Variants in AVEN observed in about 807,000 individuals in gnomAD.
The protein encoded by AVEN is cell death regulator Aven.
AVEN carries 41 observed loss-of-function variants against 38.1 expected under a neutral mutation model. That is an observed-to-expected ratio of 1.08 (90% CI 0.84 to 1.40). AVEN has a LOEUF of 1.40. Ranked by LOEUF, AVEN falls within the 40% of genes most tolerant of loss-of-function variation. AVEN has a pLI of 0.00. For missense variants in AVEN, 605 were observed against 438.8 expected (o/e 1.38, Z -3.38); for synonymous variants, 206 against 171.8 (o/e 1.20, Z -1.56).
At chr15:34,048,863 G>A (rs1282550842) in intron 5 of AVEN, among the ~76,000 whole-genome samples, 2 of 152,192 alleles carry the variant, frequency 1.3e-5, no homozygotes, top group African/African-American at 2.4e-5. Flanking sequence ...TTGCTGTTTT[G>A]CATACCTGGT....
chr15:33,858,736 C>T (rs2079996527), downstream of AVEN: 1 of 152,262 alleles, frequency 6.6e-6, no homozygotes, highest in African/African-American at 2.4e-5. Flanking sequence ...AAAGGCACTG[C>T]CCAGAGTAAG....
intron 2 of AVEN, among the ~76,000 whole-genome samples, chr15:33,917,826 G>T (rs1190487696): frequency 6.6e-6 from 1 of 152,062 alleles, no homozygotes; most frequent in East Asian, 1.9e-4. Context: ...GTGGGAGGGG[G>T]GTAAGGGATA....
At chr15:34,036,889 C>A (rs555625253) in intron 1 of AVEN, among the ~76,000 whole-genome samples, 1 of 152,272 alleles carries the variant, frequency 6.6e-6, no homozygotes, top group South Asian at 2.1e-4. Context: ...GCGGGTGGAT[C>A]ACCTGAGGTC....
the AVEN span, chr15:33,852,822 T>C: frequency 1.3e-5 from 6 of 457,970 alleles, no homozygotes; most frequent in Middle Eastern, 3.0e-4. Context: ...AACTGCCCAG[T>C]GGCCTTCTGA....
downstream of AVEN, chr15:33,855,751 A>T (rs1157244689): frequency 6.6e-6 from 1 of 152,220 alleles, no homozygotes; most frequent in African/African-American, 2.4e-5. Flanking sequence ...TATAGTTAAT[A>T]CATATTATAT....
At chr15:33,913,331 G>A (rs1484334855) in intron 2 of AVEN, among the ~76,000 whole-genome samples, 5 of 152,166 alleles carry the variant, frequency 3.3e-5, no homozygotes, top group Admixed American at 6.6e-5. Flanking sequence ...AAAAGGAGTA[G>A]ATATATACAT....
chr15:34,032,633 G>C (rs1898910392), intron 1 of AVEN, among the ~76,000 whole-genome samples: 1 of 146,200 alleles, frequency 6.8e-6, no homozygotes, highest in Admixed American at 6.7e-5. Flanking sequence ...TAGGGGTTCA[G>C]AAAGATTTTC....
chr15:33,861,539 A>G (rs1353422381), downstream of AVEN, among the ~76,000 whole-genome samples: 2 of 150,314 alleles, frequency 1.3e-5, no homozygotes, highest in African/African-American at 2.4e-5. Flanking sequence ...ACTTCCAACT[A>G]TTGCCCTACT....
At chr15:34,041,311 G>A (rs908352896), upstream of AVEN, among the ~76,000 whole-genome samples, 10 of 151,872 alleles carry the variant, frequency 6.6e-5, no homozygotes, top group South Asian at 4.2e-4. Flanking sequence ...CAAAAGGTAC[G>A]TTTTAGTATC....
At chr15:33,997,539 C>A (rs898130607) in intron 2 of AVEN, among the ~76,000 whole-genome samples, 4 of 152,088 alleles carry the variant, frequency 2.6e-5, no homozygotes, top group African/African-American at 9.7e-5. Flanking sequence ...ACCCCCTGCC[C>A]CACCAAATCT....
chr15:34,015,158 A>G (rs1897829724), intron 1 of AVEN, among the ~76,000 whole-genome samples: 2 of 152,186 alleles, frequency 1.3e-5, no homozygotes, highest in Admixed American at 1.3e-4. Context: ...TATCATAAGG[A>G]AAAAGATAAC....
At chr15:33,895,125 C>A (rs1322357481) in intron 2 of AVEN, among the ~76,000 whole-genome samples, 1 of 151,932 alleles carries the variant, frequency 6.6e-6, no homozygotes, top group Non-Finnish European at 1.5e-5. Context: ...TGGATTCTAC[C>A]ACTGGTGGGC....
At chr15:33,999,027 G>C (rs1187319906) in intron 2 of AVEN, among the ~76,000 whole-genome samples, 2 of 152,194 alleles carry the variant, frequency 1.3e-5, no homozygotes, top group Non-Finnish European at 2.9e-5. Context: ...ATTAGATGTT[G>C]TGCTGGGTCT....
chr15:34,019,292 A>G (rs1363780363), intron 1 of AVEN, among the ~76,000 whole-genome samples: 1 of 152,276 alleles, frequency 6.6e-6, no homozygotes, highest in Non-Finnish European at 1.5e-5. Context: ...TTTTTAAAAT[A>G]GAAAACAAAA....
chr15:34,070,221 A>G (rs905305778), intron 2 of AVEN, among the ~76,000 whole-genome samples: 1 of 152,180 alleles, frequency 6.6e-6, no homozygotes, highest in Non-Finnish European at 1.5e-5. Flanking sequence ...AACCGCCTCC[A>G]GGCTTCAACT....
chr15:33,943,495 G>A (rs1894393656), intron 2 of AVEN, among the ~76,000 whole-genome samples: 1 of 152,174 alleles, frequency 6.6e-6, no homozygotes, highest in Non-Finnish European at 1.5e-5. Flanking sequence ...CAGAGTTTCT[G>A]ATATGCAAGA....
At chr15:33,916,290 C>T (rs1893133215) in intron 2 of AVEN, among the ~76,000 whole-genome samples, 1 of 152,164 alleles carries the variant, frequency 6.6e-6, no homozygotes, top group South Asian at 2.1e-4. Flanking sequence ...CCTCTGCCAC[C>T]TCTACTGGAG....
intron 2 of AVEN, among the ~76,000 whole-genome samples, chr15:33,877,725 C>T (rs955794230): frequency 2.6e-5 from 4 of 152,020 alleles, no homozygotes; most frequent in African/African-American, 4.8e-5. Flanking sequence ...CCGAGGCAGG[C>T]GGATCATGAG....
intron 2 of AVEN, among the ~76,000 whole-genome samples, chr15:33,906,901 T>G (rs1456781422): frequency 6.6e-6 from 1 of 152,148 alleles, no homozygotes; most frequent in Non-Finnish European, 1.5e-5. Context: ...TTATGTATAT[T>G]TTAACACAAT....
Sources: allele counts gnomAD v4.1 joint callset (sites outside exome capture counted in the v4.1 genomes callset), GRCh38; gene constraint gnomAD v4.1.1; transcripts MANE v1.5; gene names NCBI Gene and HGNC (gene_info 2026-07-23, HGNC 2026-07-21).